Variants in ST6GALNAC3 observed in about 807,000 individuals in gnomAD.
The protein encoded by ST6GALNAC3 is alpha-N-acetylgalactosaminide alpha-2,6-sialyltransferase 3.
Under a neutral mutation model 32.7 loss-of-function variants are expected in ST6GALNAC3, and 25 were observed. The ratio of observed to expected loss-of-function variants is 0.76; its 90% CI spans 0.56 to 1.07. The LOEUF (loss-of-function observed/expected upper bound fraction) is 1.07, where lower values mean the gene tolerates loss of function less well. ST6GALNAC3 is among the 50% of genes least tolerant of loss of function. The probability of loss-of-function intolerance (pLI) is 0.00; values close to 1 mark genes in which losing one functional copy is unlikely to be tolerated. For missense variants in ST6GALNAC3, 355 were observed against 382.4 expected, an observed-to-expected ratio of 0.93 and a Z score of 0.60; for synonymous variants, 129 against 133.1, an observed-to-expected ratio of 0.97 and a Z score of 0.21.
At chr1:76,403,618 T>C (rs1218185522) in intron 2 of ST6GALNAC3, among the ~76,000 whole-genome samples, 1 of 152,108 alleles carries the variant, frequency 6.6e-6, no homozygotes, top group African/African-American at 2.4e-5. Flanking sequence ...CCATTGCCAT[T>C]TTTAAAAGTT....
chr1:76,616,777 T>A (rs1462481373), intron 3 of ST6GALNAC3, among the ~76,000 whole-genome samples: 1 of 152,068 alleles, frequency 6.6e-6, no homozygotes, highest in East Asian at 1.9e-4. Flanking sequence ...TTGCTGGGGG[T>A]ATCACTTAGA....
intron 2 of ST6GALNAC3, among the ~76,000 whole-genome samples, chr1:76,391,470 C>T (rs535688156): frequency 6.6e-6 from 1 of 152,252 alleles, no homozygotes; most frequent in East Asian, 1.9e-4. Flanking sequence ...GCTAACAAAA[C>T]ATTTGGATAA....
chr1:76,143,822 G>A (rs926519469), intron 1 of ST6GALNAC3, among the ~76,000 whole-genome samples: 12 of 152,092 alleles, frequency 7.9e-5, no homozygotes, highest in Admixed American at 5.2e-4. Flanking sequence ...TAGGGGCTGC[G>A]GCTTATTGAG....
chr1:76,404,027 G>A (rs540405579), intron 2 of ST6GALNAC3, among the ~76,000 whole-genome samples: 3 of 152,006 alleles, frequency 2.0e-5, no homozygotes, highest in South Asian at 2.1e-4. Context: ...CCAAATAAAC[G>A]GAGCATATTA....
At chr1:76,437,602 G>A (rs757059419) in intron 3 of ST6GALNAC3, among the ~76,000 whole-genome samples, 35 of 146,788 alleles carry the variant, frequency 2.4e-4, no homozygotes, top group African/African-American at 6.9e-4. Flanking sequence ...TTTTTGAGAC[G>A]GAGTCTCGCT....
intron 2 of ST6GALNAC3, among the ~76,000 whole-genome samples, chr1:76,332,034 T>C (rs1346171085): frequency 6.6e-6 from 1 of 152,186 alleles, no homozygotes; most frequent in East Asian, 1.9e-4. Flanking sequence ...TTAAAGTCAT[T>C]AGTGTTAAAA....
intron 1 of ST6GALNAC3, among the ~76,000 whole-genome samples, chr1:76,091,218 T>A (rs1345879455): frequency 1.3e-5 from 2 of 152,238 alleles, no homozygotes; most frequent in Non-Finnish European, 2.9e-5. Context: ...AATATCAGTC[T>A]GTTTGAAAGT....
chr1:76,430,454 G>A (rs968431648), intron 3 of ST6GALNAC3, among the ~76,000 whole-genome samples: 9 of 152,102 alleles, frequency 5.9e-5, no homozygotes, highest in African/African-American at 1.9e-4. Context: ...GGGTCTGCTC[G>A]TTATCTCCAG....
intron 3 of ST6GALNAC3, among the ~76,000 whole-genome samples, chr1:76,624,477 C>G (rs1192304093): frequency 6.6e-6 from 1 of 151,860 alleles, no homozygotes; most frequent in South Asian, 2.1e-4. Flanking sequence ...GTGGGCTAGA[C>G]CAGAATGAGT....
chr1:76,342,431 G>A lies in ST6GALNAC3; in HGVS notation c.213+28432G>A, dbSNP rs187682707. ...CGGCATGAGATGGTATCTCATTGTG[G>A]TTTTGATTTGCATTTCTCTTAATGA... On this transcript the variant is annotated intron_variant, in intron 2 of 4. Coordinates refer to ENST00000328299, the MANE Select transcript of ST6GALNAC3 (RefSeq NM_152996.4). Among the ~76,000 whole-genome samples, 922 of 152,068 alleles carry A rather than the reference G, an allele frequency of 6.1e-3. 4 individuals carry two copies. The highest frequency in any genetic ancestry group is 0.021 in the African/African-American group (875 of 41,480).
intron 2 of ST6GALNAC3, among the ~76,000 whole-genome samples, chr1:76,375,642 G>T (rs77037946): frequency 2.6e-5 from 4 of 152,080 alleles, no homozygotes; most frequent in African/African-American, 9.7e-5. Flanking sequence ...GGGTTGACTC[G>T]GTTAGAAAAA....
At chr1:76,483,289 A>G (rs1465740434) in intron 3 of ST6GALNAC3, among the ~76,000 whole-genome samples, 3 of 152,144 alleles carry the variant, frequency 2.0e-5, no homozygotes, top group African/African-American at 7.2e-5. Flanking sequence ...AGATCCCTGA[A>G]GAATCGCCAT....
At chr1:76,292,288 T>G (rs1187252389) in intron 1 of ST6GALNAC3, among the ~76,000 whole-genome samples, 1 of 73,948 alleles carries the variant, frequency 1.4e-5, no homozygotes, top group Non-Finnish European at 4.2e-5. Flanking sequence ...TTCAGTAGAG[T>G]GGGAAATGAT....
chr1:76,190,647 A>G (rs1054987441), intron 1 of ST6GALNAC3, among the ~76,000 whole-genome samples: 1 of 152,162 alleles, frequency 6.6e-6, no homozygotes, highest in Non-Finnish European at 1.5e-5. Context: ...TAATGGTTCC[A>G]TCATTGGTTG....
At chr1:76,200,665 G>A (rs189591456) in intron 1 of ST6GALNAC3, among the ~76,000 whole-genome samples, 31 of 152,204 alleles carry the variant, frequency 2.0e-4, no homozygotes, top group African/African-American at 7.0e-4. Context: ...AAATGTTATT[G>A]ACATTTTTCT....
Position 76,465,760 on chromosome 1 carries a change from AT to A in ST6GALNAC3, c.623+53351del, listed in dbSNP as rs546526586. ...CAGATTTTCCTGTTGGTGAGGGCTG[AT>A]TTTTTTTCCTCATTATTTCTCTCTC... On this transcript the variant is annotated intron_variant, in intron 3 of 4. Transcript: ENST00000328299. 1.5e-3 allele frequency among the ~76,000 whole-genome samples: 234 copies of A among 151,392 alleles called. 2 individuals carry two copies. Among genetic ancestry groups the A allele is most frequent in the African/African-American group, 5.5e-3 (226 of 41,260 alleles).
rs186872888 is a variant in ST6GALNAC3, at chr1:76,607,344, A to G, written c.624-20108A>G. Among the ~76,000 whole-genome samples the G allele has an allele frequency of 4.4e-4, 67 of 152,270 alleles. No homozygotes were observed. The Middle Eastern group carries it at 0.01, about 23-fold the overall frequency. ...CCATTATGTAGGTAGAATTTATTAA[A>G]TTAATGGCCATTGATGGTTGAGCTC... is the stretch of plus-strand genomic sequence containing the variant. On this transcript the variant is annotated intron_variant, in intron 3 of 4. Transcript: ENST00000328299.
intron 2 of ST6GALNAC3, among the ~76,000 whole-genome samples, chr1:76,331,324 G>T (rs552051614): frequency 4.1e-4 from 63 of 152,266 alleles, no homozygotes; most frequent in Non-Finnish European, 6.8e-4. Flanking sequence ...TGTCTTTAAT[G>T]AAAAATTAAT....
rs189954446 is a variant in ST6GALNAC3, at chr1:76,330,115, C to A, written c.213+16116C>A. On this transcript the variant is annotated intron_variant, in intron 2 of 4. Coordinates refer to ENST00000328299, the MANE Select transcript of ST6GALNAC3 (RefSeq NM_152996.4). The stretch of plus-strand genomic sequence containing the variant: ...ACCATGCCCAGCCTATATTCCCCAA[C>A]AATGGAGAATATTAAACAAATAAAC... Among the ~76,000 whole-genome samples the A allele has an allele frequency of 3.3e-3, 504 of 151,868 alleles. 3 individuals are homozygous for A. Among genetic ancestry groups the A allele is most frequent in the African/African-American group, 0.012 (490 of 41,404 alleles).
Sources: gnomAD v4.1 joint callset for allele counts (sites outside exome capture counted in the v4.1 genomes callset) on GRCh38, gnomAD v4.1.1 for gene constraint, MANE v1.5 for transcripts, NCBI Gene and HGNC (gene_info 2026-07-23, HGNC 2026-07-21) for gene names.